The following TENM3 variants were observed in gnomAD, a reference collection of about 807,000 sequenced individuals.
The protein encoded by TENM3 is teneurin-3.
A neutral mutation model predicts 255.1 loss-of-function variants in TENM3; 63 were observed. That is an observed-to-expected ratio of 0.25 (90% CI 0.20 to 0.30). TENM3 has a LOEUF of 0.30. Ranked by LOEUF, TENM3 falls within the 10% of genes least tolerant of loss-of-function variation. TENM3 has a pLI of 1.00. For synonymous variants in TENM3, 1,306 were observed against 1,322.3 expected (o/e 0.99, Z 0.27); for missense variants, 2,929 against 3,461.1 (o/e 0.85, Z 3.86).
At chr4:182,113,234 A>G in the TENM3 span, among the ~76,000 whole-genome samples, 104,035 of 152,096 alleles carry the variant, frequency 0.68, 35,986 homozygotes, top group Non-Finnish European at 0.72. Flanking sequence ...TTTTCTTTTA[A>G]TAGACTTAAA....
At chr4:182,218,156 C>G (rs1419373298) in intron 1 of TENM3, among the ~76,000 whole-genome samples, 1 of 152,126 alleles carries the variant, frequency 6.6e-6, no homozygotes, top group Non-Finnish European at 1.5e-5. Context: ...AGAGTTGAGT[C>G]CTCAGTCAAA....
At chr4:181,483,969 A>C in the TENM3 span, among the ~76,000 whole-genome samples, 1 of 152,196 alleles carries the variant, frequency 6.6e-6, no homozygotes, top group Non-Finnish European at 1.5e-5. Context: ...GCAAAATGAA[A>C]GGTTCACAAA....
intron 3 of TENM3, among the ~76,000 whole-genome samples, chr4:182,599,124 C>T (rs187267274): frequency 6.6e-6 from 1 of 152,288 alleles, no homozygotes; most frequent in Non-Finnish European, 1.5e-5. Flanking sequence ...ATGCTATCAG[C>T]AATTTCTTGA....
intron 3 of TENM3, among the ~76,000 whole-genome samples, chr4:182,505,440 G>T (rs536175706): frequency 3.8e-4 from 57 of 151,648 alleles, no homozygotes; most frequent in Non-Finnish European, 6.8e-4. Flanking sequence ...AATTCTTACT[G>T]CTTCCTCTGC....
At chr4:181,478,273 A>G in the TENM3 span, among the ~76,000 whole-genome samples, 1 of 152,244 alleles carries the variant, frequency 6.6e-6, no homozygotes, top group African/African-American at 2.4e-5. Context: ...ATACGGTATT[A>G]TAATAACCTT....
chr4:181,605,588 A>AGAGAGAGAAAGAAAG, the TENM3 span, among the ~76,000 whole-genome samples: 19 of 37,560 alleles, frequency 5.1e-4, 1 homozygote, highest in East Asian at 3.0e-3. Flanking sequence ...AAGAAAGGAA[A>AGAGAGAGAAAGAAAG]GAAAGAAAGA....
chr4:181,568,734 T>C, the TENM3 span, among the ~76,000 whole-genome samples: 1 of 152,164 alleles, frequency 6.6e-6, no homozygotes, highest in Non-Finnish European at 1.5e-5. Context: ...TAATAGACTG[T>C]CCCACACCAA....
At chr4:182,256,306 G>A (rs1758392972) in intron 1 of TENM3, among the ~76,000 whole-genome samples, 1 of 152,188 alleles carries the variant, frequency 6.6e-6, no homozygotes, top group African/African-American at 2.4e-5. Flanking sequence ...TGTGGGGCTA[G>A]TTCCACATAA....
chr4:182,557,620 TC>T, intron 3 of TENM3, among the ~76,000 whole-genome samples: 1 of 152,170 alleles, frequency 6.6e-6, no homozygotes, highest in Non-Finnish European at 1.5e-5. Context: ...ACATATAGTC[TC>T]TAGCCAGTGA....
chr4:182,231,353 C>CAAAGGATTG (rs1756566090), intron 1 of TENM3, among the ~76,000 whole-genome samples: 2 of 151,890 alleles, frequency 1.3e-5, no homozygotes, highest in Non-Finnish European at 2.9e-5. Flanking sequence ...CTTAGATAAC[C>CAAAGGATTG]CCAGGAGAAC....
chr4:182,313,595 AT>A (rs1762574455), intron 1 of TENM3, among the ~76,000 whole-genome samples: 1 of 152,024 alleles, frequency 6.6e-6, no homozygotes, highest in South Asian at 2.1e-4. Context: ...GGCAATTATT[AT>A]TTTTTGTCTT....
chr4:181,926,714 T>C, the TENM3 span, among the ~76,000 whole-genome samples: 1 of 152,098 alleles, frequency 6.6e-6, no homozygotes, highest in African/African-American at 2.4e-5. Context: ...GGTCCTGGTG[T>C]GGCTGGCAAA....
chr4:182,186,384 C>G (rs1168413836), intron 1 of TENM3, among the ~76,000 whole-genome samples: 1 of 151,814 alleles, frequency 6.6e-6, no homozygotes, highest in African/African-American at 2.4e-5. Flanking sequence ...TTAATTATTC[C>G]TTTTACAAAA....
At chr4:181,557,934 T>G in the TENM3 span, among the ~76,000 whole-genome samples, 9 of 152,226 alleles carry the variant, frequency 5.9e-5, no homozygotes, top group African/African-American at 1.9e-4. Flanking sequence ...TGAAGGAACT[T>G]TCAGGTCTAT....
At chr4:181,939,882 C>A in the TENM3 span, among the ~76,000 whole-genome samples, 2 of 152,214 alleles carry the variant, frequency 1.3e-5, no homozygotes, top group African/African-American at 4.8e-5. Context: ...TATTTCATTT[C>A]ATTGCTTTAA....
At chr4:181,988,883 C>T in the TENM3 span, among the ~76,000 whole-genome samples, 5 of 151,952 alleles carry the variant, frequency 3.3e-5, no homozygotes, top group Admixed American at 6.6e-5. Flanking sequence ...CTGCTCAAAA[C>T]ATATCAGTAT....
chr4:181,516,067 G>T, the TENM3 span, among the ~76,000 whole-genome samples: 9 of 152,106 alleles, frequency 5.9e-5, no homozygotes, highest in Non-Finnish European at 8.8e-5. Context: ...GACATAGATG[G>T]AGCTGGAAGC....
chr4:181,962,634 T>A, the TENM3 span, among the ~76,000 whole-genome samples: 1 of 152,222 alleles, frequency 6.6e-6, no homozygotes, highest in African/African-American at 2.4e-5. Context: ...CCAGTATAAG[T>A]TACATGGCGT....
chr4:181,588,086 G>A, the TENM3 span, among the ~76,000 whole-genome samples: 4 of 152,274 alleles, frequency 2.6e-5, no homozygotes, highest in Non-Finnish European at 5.9e-5. Flanking sequence ...AGGGGCATGC[G>A]CTTTTTAGAG....
Sources: gnomAD v4.1 joint callset for allele counts (sites outside exome capture counted in the v4.1 genomes callset) on GRCh38, gnomAD v4.1.1 for gene constraint, MANE v1.5 for transcripts, NCBI Gene and HGNC (gene_info 2026-07-23, HGNC 2026-07-21) for gene names.